Variants in MAML2 observed in about 807,000 individuals in gnomAD.
The protein encoded by MAML2 is mastermind-like protein 2.
MAML2 carries 22 observed loss-of-function variants against 96.1 expected under a neutral mutation model. That is an observed-to-expected ratio of 0.23 (90% CI 0.16 to 0.33). MAML2 has a LOEUF of 0.33. Ranked by LOEUF, MAML2 falls within the 10% of genes least tolerant of loss-of-function variation. The pLI is 1.00. For synonymous variants in MAML2, 561 were observed against 521.3 expected (o/e 1.08, Z -1.04); for missense variants, 1,367 against 1,392.4 (o/e 0.98, Z 0.29).
At chr11:95,997,225 G>A (rs1204900368) in intron 2 of MAML2, among the ~76,000 whole-genome samples, 2 of 152,028 alleles carry the variant, frequency 1.3e-5, no homozygotes, top group Non-Finnish European at 2.9e-5. Context: ...ATCCTCCTGG[G>A]TTTTAAATCA....
intron 1 of MAML2, among the ~76,000 whole-genome samples, chr11:96,230,144 T>G (rs1862272422): frequency 6.6e-6 from 1 of 152,070 alleles, no homozygotes; most frequent in Non-Finnish European, 1.5e-5. Flanking sequence ...AGAAAGAAAA[T>G]CCTGAGCTAT....
chr11:96,272,265 G>T (rs561010500), intron 1 of MAML2, among the ~76,000 whole-genome samples: 27 of 152,270 alleles, frequency 1.8e-4, no homozygotes, highest in Non-Finnish European at 3.7e-4. Flanking sequence ...CTACTACAGT[G>T]CCTGGCATAT....
intron 1 of MAML2, 132 bp from the exon 2 acceptor site, chr11:96,093,649 CAGAG>C (rs1859775623): frequency 1.5e-6 from 1 of 663,828 alleles, no homozygotes; most frequent in Non-Finnish European, 2.5e-6. Context: ...AAAAATGGCA[CAGAG>C]AGAGCACAAA....
At chr11:96,231,363 G>A (rs1033267132) in intron 1 of MAML2, among the ~76,000 whole-genome samples, 3 of 152,300 alleles carry the variant, frequency 2.0e-5, no homozygotes, top group African/African-American at 7.2e-5. Context: ...TACAGTAGAT[G>A]CTAAATATGC....
intron 1 of MAML2, among the ~76,000 whole-genome samples, chr11:96,266,129 A>G (rs543809302): frequency 1.3e-5 from 2 of 152,208 alleles, no homozygotes; most frequent in South Asian, 2.1e-4. Context: ...GCCCGTATGT[A>G]TGCTCCCTTA....
chr11:96,261,790 A>G (rs1862754164), intron 1 of MAML2, among the ~76,000 whole-genome samples: 1 of 152,256 alleles, frequency 6.6e-6, no homozygotes, highest in Non-Finnish European at 1.5e-5. Context: ...TTTCAATGTT[A>G]TTGTCTAAAC....
intron 1 of MAML2, among the ~76,000 whole-genome samples, chr11:96,143,016 G>T (rs1212622495): frequency 1.3e-5 from 2 of 152,116 alleles, no homozygotes; most frequent in African/African-American, 2.4e-5. Context: ...CCAGCTAAAT[G>T]GGAAAAAATA....
chr11:96,067,711 T>C (rs1387190421), intron 2 of MAML2, among the ~76,000 whole-genome samples: 1 of 152,218 alleles, frequency 6.6e-6, no homozygotes, highest in Non-Finnish European at 1.5e-5. Context: ...TTGAATATGA[T>C]ATTTCACATT....
At chr11:96,042,662 A>G (rs1311619673) in intron 2 of MAML2, among the ~76,000 whole-genome samples, 2 of 151,166 alleles carry the variant, frequency 1.3e-5, no homozygotes, top group Admixed American at 6.6e-5. Flanking sequence ...CCTTTTCTCC[A>G]TCTTCCTTAT....
intron 1 of MAML2, among the ~76,000 whole-genome samples, chr11:96,149,374 G>A (rs1175777394): frequency 5.0e-5 from 7 of 139,624 alleles, no homozygotes; most frequent in African/African-American, 8.2e-5. Flanking sequence ...CTGAGATCAC[G>A]TCACTGCACT....
At chr11:96,042,521 C>A (rs750357932) in intron 2 of MAML2, among the ~76,000 whole-genome samples, 1 of 149,934 alleles carries the variant, frequency 6.7e-6, no homozygotes, top group African/African-American at 2.5e-5. Context: ...CCATGTCACA[C>A]TTTTATTTAA....
At chr11:96,066,601 C>A (rs528632522) in intron 2 of MAML2, among the ~76,000 whole-genome samples, 2 of 152,266 alleles carry the variant, frequency 1.3e-5, no homozygotes, top group East Asian at 3.9e-4. Flanking sequence ...CATTGAATCC[C>A]ATAGGAATGA....
At chr11:96,160,324 C>T (rs760614627) in intron 1 of MAML2, among the ~76,000 whole-genome samples, 1 of 152,164 alleles carries the variant, frequency 6.6e-6, no homozygotes, top group African/African-American at 2.4e-5. Context: ...ACCTGGCCGA[C>T]AGAATGGGCT....
chr11:96,128,842 G>T (rs1457723231), intron 1 of MAML2, among the ~76,000 whole-genome samples: 1 of 152,132 alleles, frequency 6.6e-6, no homozygotes, highest in Non-Finnish European at 1.5e-5. Flanking sequence ...TCAACTCAAG[G>T]CAAACCAGAA....
chr11:96,176,002 C>G (rs1277405546), intron 1 of MAML2, among the ~76,000 whole-genome samples: 10 of 152,176 alleles, frequency 6.6e-5, no homozygotes. Context: ...GAAAAAAAGA[C>G]TCCTCAATGT....
At chr11:96,031,604 C>CT (rs976642080) in intron 2 of MAML2, among the ~76,000 whole-genome samples, 1 of 151,878 alleles carries the variant, frequency 6.6e-6, no homozygotes, top group African/African-American at 2.4e-5. Context: ...CAGTTTCATG[C>CT]TTTTTTTTGC....
intron 1 of MAML2, among the ~76,000 whole-genome samples, chr11:96,199,745 T>C (rs2135929085): frequency 6.6e-6 from 1 of 152,314 alleles, no homozygotes; most frequent in Admixed American, 6.5e-5. Context: ...TAACTCTGCT[T>C]AGTCGAAAAG....
At chr11:96,060,732 A>G (rs1859144242) in intron 2 of MAML2, among the ~76,000 whole-genome samples, 1 of 152,216 alleles carries the variant, frequency 6.6e-6, no homozygotes. Flanking sequence ...GGAGAAAATT[A>G]GGGTTCTTTG....
At chr11:96,231,672 G>T (rs995295802) in intron 1 of MAML2, among the ~76,000 whole-genome samples, 3 of 152,164 alleles carry the variant, frequency 2.0e-5, no homozygotes, top group African/African-American at 7.2e-5. Flanking sequence ...AAGAGAGTTG[G>T]TCACTCATGG....
Sources: gnomAD v4.1 joint callset for allele counts (sites outside exome capture counted in the v4.1 genomes callset) on GRCh38, gnomAD v4.1.1 for gene constraint, MANE v1.5 for transcripts, NCBI Gene and HGNC (gene_info 2026-07-23, HGNC 2026-07-21) for gene names.